SLC7A1: variants seen among roughly 807,000 people sequenced by gnomAD.
SLC7A1 encodes the protein high affinity cationic amino acid transporter 1.
In SLC7A1, 10 loss-of-function variants were observed where a neutral mutation model predicts 53.9. That is an observed-to-expected ratio of 0.19 (90% CI 0.11 to 0.31). The LOEUF is 0.31. Among genes scored for constraint, SLC7A1 ranks in the 10% least tolerant of loss-of-function variants. SLC7A1 has a pLI of 1.00. For missense variants in SLC7A1, 525 were observed against 827.2 expected, an observed-to-expected ratio of 0.63 and a Z score of 4.48; for synonymous variants, 342 against 338.7, an observed-to-expected ratio of 1.01 and a Z score of -0.11.
intron 2 of SLC7A1, among the ~76,000 whole-genome samples, chr13:29,543,350 T>C (rs1869752412): frequency 6.6e-6 from 1 of 152,224 alleles, no homozygotes; most frequent in African/African-American, 2.4e-5. Flanking sequence ...ATCCACAAGC[T>C]GCAGGCAATG....
rs1869413809 is a variant in SLC7A1, at chr13:29,536,228, C to G, written c.-14-26G>C. 2.5e-6 allele frequency: 4 copies of G among 1,577,042 alleles called. No individual in the cohort carries two copies. In the South Asian group the frequency reaches 4.7e-5, roughly 18 times the overall value. ...CTGTTGAAAAAGAACAAAGATGTTT[C>G]CTGATTGCTCCTCATTTCACCCATT... On this transcript the variant is annotated intron_variant, in intron 2 of 12. Transcript: ENST00000380752.
At chr13:29,543,855 G>A (rs542340049) in intron 2 of SLC7A1, among the ~76,000 whole-genome samples, 201 of 152,150 alleles carry the variant, frequency 1.3e-3, no homozygotes, top group African/African-American at 4.5e-3. Flanking sequence ...GGGGAGAGGC[G>A]GGGACATGCG....
In SLC7A1 at chr13:29,522,324, G is replaced by T. The variant is rs34747283; in HGVS notation, c.1182C>A (p.Ala394=). 26 of 1,614,008 alleles carry T rather than the reference G, an allele frequency of 1.6e-5. No homozygotes were observed. In the Admixed American group the frequency reaches 4.3e-4, roughly 27 times the overall value. ...TPIIATLASG[A]VAAVMAFLFD... ...ATGAGTTCTAGTACTCACCAGCAAC[G>T]GCACCCGAGGCTAATGTGGCGATTA... The change falls in exon 8 of 13, where the codon GCC becomes GCA. Residue 394 remains alanine (A), a synonymous_variant. Transcript: ENST00000380752.
At chr13:29,548,456 C>G (rs549975354) in intron 2 of SLC7A1, among the ~76,000 whole-genome samples, 1 of 152,358 alleles carries the variant, frequency 6.6e-6, no homozygotes, top group Admixed American at 6.5e-5. Context: ...GGTCTGTGAT[C>G]TGTGACTTGG....
intron 1 of SLC7A1, among the ~76,000 whole-genome samples, chr13:29,578,783 C>A (rs1470872148): frequency 6.6e-6 from 1 of 152,236 alleles, no homozygotes; most frequent in Non-Finnish European, 1.5e-5. Flanking sequence ...TACCCCGGCT[C>A]CCTGTCACAG....
intron 1 of SLC7A1, among the ~76,000 whole-genome samples, chr13:29,555,304 G>A (rs1289176325): frequency 8.8e-6 from 1 of 113,184 alleles, no homozygotes; most frequent in African/African-American, 3.3e-5. Context: ...CTTGCAGTGA[G>A]CCGAGATCCC....
At chr13:29,552,722 T>C (rs1870253894) in intron 2 of SLC7A1, among the ~76,000 whole-genome samples, 1 of 152,242 alleles carries the variant, frequency 6.6e-6, no homozygotes, top group African/African-American at 2.4e-5. Context: ...TTAGTAAATC[T>C]ATAATCTATA....
At chr13:29,589,308 G>C (rs1395811875) in intron 1 of SLC7A1, among the ~76,000 whole-genome samples, 1 of 152,210 alleles carries the variant, frequency 6.6e-6, no homozygotes, top group African/African-American at 2.4e-5. Flanking sequence ...CCCTGCAAAG[G>C]GGTCTCCCCA....
At chr13:29,539,616 C>G (rs1197524499) in intron 2 of SLC7A1, among the ~76,000 whole-genome samples, 5 of 152,184 alleles carry the variant, frequency 3.3e-5, no homozygotes, top group Non-Finnish European at 1.5e-5. Flanking sequence ...TGAATAGGTA[C>G]GCAGCGGCCC....
At chr13:29,529,031 T>A (rs1184365144) in intron 5 of SLC7A1, among the ~76,000 whole-genome samples, 1 of 152,158 alleles carries the variant, frequency 6.6e-6, no homozygotes, top group Non-Finnish European at 1.5e-5. Context: ...TGCTCTGAGT[T>A]TTCAAAGGCT....
chr13:29,577,116 T>A (rs1016899885), intron 1 of SLC7A1, among the ~76,000 whole-genome samples: 1 of 152,244 alleles, frequency 6.6e-6, no homozygotes, highest in African/African-American at 2.4e-5. Context: ...ATAAGGTCTT[T>A]TACTGTAGCC....
intron 1 of SLC7A1, among the ~76,000 whole-genome samples, chr13:29,557,113 A>G (rs1870472398): frequency 6.6e-6 from 1 of 152,202 alleles, no homozygotes; most frequent in Non-Finnish European, 1.5e-5. Context: ...GTAATTTTTG[A>G]GATTTGAAAA....
chr13:29,555,675 G>C (rs1402715936), intron 1 of SLC7A1, among the ~76,000 whole-genome samples: 4 of 150,772 alleles, frequency 2.7e-5, no homozygotes, highest in Non-Finnish European at 5.9e-5. Flanking sequence ...AAAAAAGGGG[G>C]GGCGGGCAGA....
intron 5 of SLC7A1, 57 bp downstream of exon 5, chr13:29,530,481 A>C: frequency 6.7e-7 from 1 of 1,489,116 alleles, no homozygotes; most frequent in Non-Finnish European, 9.3e-7. Flanking sequence ...TATATCCCCC[A>C]TACAATCTAT....
At chr13:29,550,731 C>T (rs896022292) in intron 2 of SLC7A1, among the ~76,000 whole-genome samples, 1 of 152,230 alleles carries the variant, frequency 6.6e-6, no homozygotes, top group Non-Finnish European at 1.5e-5. Flanking sequence ...AGACTGTAGC[C>T]CTGTGAGACC....
chr13:29,534,665 C>T (rs1869325232), intron 3 of SLC7A1, among the ~76,000 whole-genome samples: 1 of 151,980 alleles, frequency 6.6e-6, no homozygotes, highest in Non-Finnish European at 1.5e-5. Context: ...CCCAGGGCTG[C>T]GAGGATCCCA....
At position 29,514,491 on chromosome 13, in the gene SLC7A1, G is replaced by A. The variant is rs780324629; in HGVS notation, c.1879C>T (p.Gln627Ter). Reference sequence around the variant, plus strand: ...GGCGGGGCTGTGCGTCACTTGCACTGGTCCAAGTTGCCGTCAGGAGTCCTT... The same window carrying A: ...GGCGGGGCTGTGCGTCACTTGCACTAGTCCAAGTTGCCGTCAGGAGTCCTT... ...QARTPDGNLD[Q>*]CK The change falls in exon 13 of 13, where the codon CAG (glutamine) becomes TAG (stop). Residue 627 changes from glutamine (Q) to a stop codon, truncating the protein, a stop_gained. Transcript: ENST00000380752. LOFTEE classifies it high-confidence loss of function. 5.0e-6 allele frequency: 8 copies of A among 1,609,006 alleles called. No homozygotes were observed. Among genetic ancestry groups the A allele is most frequent in the Non-Finnish European group, 6.8e-6 (8 of 1,179,152 alleles).
At chr13:29,568,365 C>T (rs1871055333) in intron 1 of SLC7A1, among the ~76,000 whole-genome samples, 2 of 152,212 alleles carry the variant, frequency 1.3e-5, no homozygotes, top group African/African-American at 4.8e-5. Flanking sequence ...ATAAATGGAG[C>T]ACCACCAAAA....
chr13:29,530,818 A>G (rs908913991), intron 4 of SLC7A1, 106 bp from the exon 5 acceptor site: 14 of 860,546 alleles, frequency 1.6e-5, no homozygotes, highest in Non-Finnish European at 2.6e-5. Context: ...ATCCAAGTGC[A>G]TCGAGCCTCT....
Sources: allele counts gnomAD v4.1 joint callset (sites outside exome capture counted in the v4.1 genomes callset), GRCh38; gene constraint gnomAD v4.1.1; transcripts MANE v1.5; gene names NCBI Gene and HGNC (gene_info 2026-07-23, HGNC 2026-07-21).